Variants in SHISA6 observed in about 807,000 individuals in gnomAD.
SHISA6 encodes shisa family member 6.
In SHISA6, 22 loss-of-function variants were observed where a neutral mutation model predicts 47.9. The ratio of observed to expected loss-of-function variants is 0.46; its 90% CI spans 0.33 to 0.66. The LOEUF (loss-of-function observed/expected upper bound fraction) is 0.66. Ranked by LOEUF, SHISA6 falls within the 30% of genes least tolerant of loss-of-function variation. The pLI, the probability that SHISA6 is intolerant of heterozygous loss-of-function variation, is 0.02. For synonymous variants in SHISA6, 388 were observed against 337.8 expected (o/e 1.15, Z -1.63); for missense variants, 680 against 764.6 (o/e 0.89, Z 1.30).
At chr17:11,467,124 T>C (rs938127497) in intron 3 of SHISA6, among the ~76,000 whole-genome samples, 3 of 152,220 alleles carry the variant, frequency 2.0e-5, no homozygotes, top group Non-Finnish European at 4.4e-5. Context: ...GATGTATTTA[T>C]TCACAAGCTG....
chr17:11,257,416 T>G (rs1024883022), intron 1 of SHISA6, among the ~76,000 whole-genome samples: 2 of 151,972 alleles, frequency 1.3e-5, no homozygotes, highest in African/African-American at 4.8e-5. Context: ...ATTCCAGCAC[T>G]TTGGGAGGCT....
intron 2 of SHISA6, among the ~76,000 whole-genome samples, chr17:11,310,888 C>A (rs761974754): frequency 1.3e-5 from 2 of 152,010 alleles, no homozygotes; most frequent in Non-Finnish European, 2.9e-5. Context: ...GTGGGCGCAT[C>A]ACAAGGTCAG....
At chr17:11,293,832 G>T (rs762270643) in intron 2 of SHISA6, among the ~76,000 whole-genome samples, 1 of 152,126 alleles carries the variant, frequency 6.6e-6, no homozygotes, top group African/African-American at 2.4e-5. Context: ...CACACGCTGC[G>T]CAGTTCGAAT....
chr17:11,486,766 T>C (rs1916358531), intron 3 of SHISA6, among the ~76,000 whole-genome samples: 1 of 152,196 alleles, frequency 6.6e-6, no homozygotes, highest in Admixed American at 6.5e-5. Flanking sequence ...TCCACTCCCT[T>C]TGTTGTCACC....
At chr17:11,487,106 AC>A (rs1466248893) in intron 3 of SHISA6, among the ~76,000 whole-genome samples, 1 of 152,156 alleles carries the variant, frequency 6.6e-6, no homozygotes, top group Non-Finnish European at 1.5e-5. Flanking sequence ...TTACAGAAAA[AC>A]ATTTACTAGC....
intron 2 of SHISA6, among the ~76,000 whole-genome samples, chr17:11,275,212 G>A (rs1908845311): frequency 6.6e-6 from 1 of 151,854 alleles, no homozygotes; most frequent in South Asian, 2.1e-4. Context: ...ATGTGTGGGA[G>A]CAGGTAGGGG....
Position 11,385,915 on chromosome 17 carries a change from C to T in SHISA6, c.895+6406C>T, listed in dbSNP as rs911897654. On this transcript the variant is annotated intron_variant, in intron 3 of 5. Coordinates refer to ENST00000441885, the MANE Select transcript of SHISA6 (RefSeq NM_207386.4). ...TGTAGAGAAATCCAGTGAGCTGAAG[C>T]GTGAGAAGTGACCACGAGACCGAGG... is the stretch of plus-strand genomic sequence containing the variant. Among the ~76,000 whole-genome samples the T allele has an allele frequency of 4.0e-5, 6 of 151,086 alleles. No homozygotes were observed. The East Asian group carries it at 5.9e-4, about 15-fold the overall frequency.
chr17:11,544,291 A>G (rs2071862158), intron 3 of SHISA6, among the ~76,000 whole-genome samples: 1 of 152,220 alleles, frequency 6.6e-6, no homozygotes, highest in South Asian at 2.1e-4. Context: ...TATGCACTGG[A>G]AAAACTATTT....
At chr17:11,395,710 G>A (rs549164529) in intron 3 of SHISA6, among the ~76,000 whole-genome samples, 59 of 151,752 alleles carry the variant, frequency 3.9e-4, no homozygotes, top group African/African-American at 1.3e-3. Context: ...TAGAGACAGG[G>A]TTTCACCATG....
At chr17:11,360,420 C>T (rs775768453) in intron 2 of SHISA6, among the ~76,000 whole-genome samples, 35 of 151,960 alleles carry the variant, frequency 2.3e-4, no homozygotes, top group Admixed American at 1.2e-3. Context: ...ATTAGCTGGG[C>T]GTGGTGGCAG....
chr17:11,285,150 G>A (rs1299080242), intron 2 of SHISA6, among the ~76,000 whole-genome samples: 1 of 152,206 alleles, frequency 6.6e-6, no homozygotes, highest in Non-Finnish European at 1.5e-5. Context: ...CCAGAAGTAA[G>A]TCTTCCTGGA....
chr17:11,297,143 G>A (rs538010367), intron 2 of SHISA6, among the ~76,000 whole-genome samples: 65 of 152,214 alleles, frequency 4.3e-4, no homozygotes, highest in South Asian at 1.2e-3. Flanking sequence ...AATCAAGAAC[G>A]TACCTCTTAT....
intron 3 of SHISA6, among the ~76,000 whole-genome samples, chr17:11,423,127 G>T (rs574369891): frequency 6.6e-6 from 1 of 151,466 alleles, no homozygotes; most frequent in East Asian, 1.9e-4. Flanking sequence ...CCCATATAGA[G>T]AAAAGACACA....
At chr17:11,466,971 G>A (rs1279152218) in intron 3 of SHISA6, among the ~76,000 whole-genome samples, 1 of 152,142 alleles carries the variant, frequency 6.6e-6, no homozygotes, top group African/African-American at 2.4e-5. Context: ...GTGTCATTAA[G>A]TGCCTAAACT....
chr17:11,517,473 A>AT (rs1193797731), intron 3 of SHISA6, among the ~76,000 whole-genome samples: 9 of 152,082 alleles, frequency 5.9e-5, no homozygotes, highest in South Asian at 2.1e-4. Flanking sequence ...ATTCAGATTA[A>AT]TTTTTTTCTT....
intron 3 of SHISA6, among the ~76,000 whole-genome samples, chr17:11,436,000 C>A (rs925241266): frequency 6.6e-6 from 1 of 152,194 alleles, no homozygotes; most frequent in African/African-American, 2.4e-5. Context: ...ATTGGAGTAT[C>A]TAATACATAG....
At chr17:11,275,719 A>C (rs1487982173) in intron 2 of SHISA6, among the ~76,000 whole-genome samples, 3 of 152,164 alleles carry the variant, frequency 2.0e-5, no homozygotes, top group African/African-American at 7.2e-5. Flanking sequence ...CATCTGGAGA[A>C]AGGGTGTTTA....
At chr17:11,248,572 C>T (rs1907679154) in intron 1 of SHISA6, among the ~76,000 whole-genome samples, 3 of 152,162 alleles carry the variant, frequency 2.0e-5, no homozygotes, top group Admixed American at 6.5e-5. Context: ...GAGTTACAGC[C>T]TTCTCCTTTC....
intron 3 of SHISA6, among the ~76,000 whole-genome samples, chr17:11,410,265 G>A (rs1914078920): frequency 1.3e-5 from 2 of 152,184 alleles, no homozygotes; most frequent in Admixed American, 6.5e-5. Flanking sequence ...ACCCTCGGAG[G>A]AGGTTGGATG....
Sources: allele counts gnomAD v4.1 joint callset (sites outside exome capture counted in the v4.1 genomes callset), GRCh38; gene constraint gnomAD v4.1.1; transcripts MANE v1.5; gene names NCBI Gene and HGNC (gene_info 2026-07-23, HGNC 2026-07-21).